Variants in LDLRAD3 observed in about 807,000 individuals in gnomAD.
The protein encoded by LDLRAD3 is low density lipoprotein receptor class A domain containing 3.
Under a neutral mutation model 29.4 loss-of-function variants are expected in LDLRAD3, and 20 were observed. The observed-to-expected ratio is 0.68, with a 90% CI of 0.48 to 0.99. The LOEUF is 0.99. LDLRAD3 is among the 50% of genes least tolerant of loss of function. The probability of loss-of-function intolerance (pLI) is 0.00; values close to 1 mark genes in which losing one functional copy is unlikely to be tolerated. For missense variants in LDLRAD3, 420 were observed against 454.3 expected, an observed-to-expected ratio of 0.92 and a Z score of 0.69; for synonymous variants, 157 against 192.7, an observed-to-expected ratio of 0.81 and a Z score of 1.53.
chr11:35,989,311 C>A (rs1258080590), intron 1 of LDLRAD3, among the ~76,000 whole-genome samples: 1 of 152,136 alleles, frequency 6.6e-6, no homozygotes, highest in African/African-American at 2.4e-5. Flanking sequence ...AATGTGATGC[C>A]TGCACCTTTG....
intron 1 of LDLRAD3, among the ~76,000 whole-genome samples, chr11:35,985,045 C>T (rs1180503585): frequency 6.6e-6 from 1 of 152,022 alleles, no homozygotes; most frequent in African/African-American, 2.4e-5. Context: ...CCACCTCAGC[C>T]TCCCAAGTAG....
chr11:36,130,278 T>A (rs531488242), intron 4 of LDLRAD3, among the ~76,000 whole-genome samples: 3 of 152,008 alleles, frequency 2.0e-5, no homozygotes, highest in African/African-American at 4.8e-5. Context: ...GTCTTCCCGG[T>A]GGAGGGAGCA....
chr11:36,144,516 A>C (rs1357826131), intron 4 of LDLRAD3, among the ~76,000 whole-genome samples: 1 of 147,928 alleles, frequency 6.8e-6, no homozygotes, highest in Non-Finnish European at 1.5e-5. Flanking sequence ...ATCGTCTGAG[A>C]TGTGGGGAGC....
chr11:35,967,439 A>G, intron 1 of LDLRAD3: 2 of 326,482 alleles, frequency 6.1e-6, no homozygotes, highest in Non-Finnish European at 1.2e-5. Context: ...CATTGCAGTG[A>G]TTAATCCCAA....
At chr11:36,161,127 G>A (rs953345361) in intron 4 of LDLRAD3, among the ~76,000 whole-genome samples, 1 of 152,120 alleles carries the variant, frequency 6.6e-6, no homozygotes, top group Non-Finnish European at 1.5e-5. Flanking sequence ...CAGAATGCCC[G>A]TCTCTCCTTC....
At chr11:36,120,683 G>A (rs1181056307) in intron 4 of LDLRAD3, among the ~76,000 whole-genome samples, 3 of 152,106 alleles carry the variant, frequency 2.0e-5, no homozygotes, top group Non-Finnish European at 4.4e-5. Flanking sequence ...CCCACCTCCA[G>A]ATGCCAGTCT....
chr11:35,964,255 C>A (rs556345120), intron 1 of LDLRAD3, among the ~76,000 whole-genome samples: 1 of 152,322 alleles, frequency 6.6e-6, no homozygotes, highest in East Asian at 1.9e-4. Flanking sequence ...GCTTTACCCA[C>A]TGGATTTTTT....
At position 36,096,697 on chromosome 11, in the gene LDLRAD3, G is replaced by A. The variant is rs1565219540; in HGVS notation, c.320-1630G>A. On this transcript the variant is annotated intron_variant, in intron 3 of 5. Coordinates refer to ENST00000315571, the MANE Select transcript of LDLRAD3 (RefSeq NM_174902.4). The stretch of plus-strand genomic sequence containing the variant: ...AGCTTTTTGGCCTGTGGCTGGCGTA[G>A]CCATACAGGGCCAGTGCTTAGCTTA... Among the ~76,000 whole-genome samples, 3 of 152,364 alleles carry A rather than the reference G, an allele frequency of 2.0e-5. 1 individual carries two copies. The highest frequency in any genetic ancestry group is 6.8e-3 in the Middle Eastern group (2 of 294).
intron 4 of LDLRAD3, among the ~76,000 whole-genome samples, chr11:36,180,104 C>T (rs1854736895): frequency 6.6e-6 from 1 of 152,234 alleles, no homozygotes; most frequent in South Asian, 2.1e-4. Context: ...GTGCCACATT[C>T]AGTTCTGCAT....
chr11:35,960,345 A>G (rs1851260456), intron 1 of LDLRAD3, among the ~76,000 whole-genome samples: 1 of 152,152 alleles, frequency 6.6e-6, no homozygotes. Flanking sequence ...TGCAGTGAAA[A>G]TTTTTGTGCA....
intron 4 of LDLRAD3, among the ~76,000 whole-genome samples, chr11:36,179,304 T>G (rs990915613): frequency 6.6e-6 from 1 of 151,980 alleles, no homozygotes; most frequent in African/African-American, 2.4e-5. Context: ...TGAAACCCCA[T>G]CTCTACTAAA....
At chr11:36,071,830 C>T (rs1478774438) in intron 2 of LDLRAD3, among the ~76,000 whole-genome samples, 1 of 152,174 alleles carries the variant, frequency 6.6e-6, no homozygotes, top group Non-Finnish European at 1.5e-5. Context: ...TGCAGGATCC[C>T]AGGCTCCACC....
chr11:36,186,865 G>T (rs1854856808), intron 4 of LDLRAD3, among the ~76,000 whole-genome samples: 1 of 152,184 alleles, frequency 6.6e-6, no homozygotes, highest in Non-Finnish European at 1.5e-5. Flanking sequence ...GTATACTCAA[G>T]ATGTGTGCAT....
chr11:36,097,822 A>C (rs1330455905), intron 3 of LDLRAD3, among the ~76,000 whole-genome samples: 4 of 151,400 alleles, frequency 2.6e-5, no homozygotes, highest in Non-Finnish European at 5.9e-5. Context: ...TATTTGCATA[A>C]ATAAAAAAAC....
intron 4 of LDLRAD3, among the ~76,000 whole-genome samples, chr11:36,117,264 AC>A (rs765639795): frequency 4.6e-5 from 7 of 152,190 alleles, no homozygotes; most frequent in Non-Finnish European, 1.0e-4. Flanking sequence ...ACACTTTGAG[AC>A]ATTTGGCGTA....
intron 4 of LDLRAD3, among the ~76,000 whole-genome samples, chr11:36,141,298 T>G (rs11033457): frequency 0.057 from 8,603 of 152,242 alleles, 423 homozygotes; most frequent in East Asian, 0.26. Flanking sequence ...GAGTTTGCAG[T>G]GATTTACACT....
chr11:35,954,686 G>C (rs570634800), intron 1 of LDLRAD3, among the ~76,000 whole-genome samples: 1 of 152,312 alleles, frequency 6.6e-6, no homozygotes, highest in East Asian at 1.9e-4. Flanking sequence ...CAGTCTCATT[G>C]ATCTTCAAAG....
chr11:36,039,284 A>G (rs1852350646), intron 2 of LDLRAD3, among the ~76,000 whole-genome samples: 1 of 152,072 alleles, frequency 6.6e-6, no homozygotes, highest in Non-Finnish European at 1.5e-5. Context: ...TTTCTTATAT[A>G]TTCCCTTTCA....
Position 35,957,973 on chromosome 11 carries a change from A to G in LDLRAD3, c.46+13829A>G, listed in dbSNP as rs1307877397. Among the ~76,000 whole-genome samples, 4 of 152,150 alleles carry G rather than the reference A, an allele frequency of 2.6e-5. No individual in the cohort carries two copies. In the East Asian group the frequency reaches 5.8e-4, roughly 22 times the overall value. On this transcript the variant is annotated intron_variant, in intron 1 of 5. Transcript: ENST00000315571. ...AGTGAAATAGTTTGCAATGTGTACA[A>G]AAGTTTGGCAATGAGGATACCTGTG...
Sources: gnomAD v4.1 joint callset for allele counts (sites outside exome capture counted in the v4.1 genomes callset) on GRCh38, gnomAD v4.1.1 for gene constraint, MANE v1.5 for transcripts, NCBI Gene and HGNC (gene_info 2026-07-23, HGNC 2026-07-21) for gene names.